KNDC1: variants seen among roughly 807,000 people sequenced by gnomAD.
KNDC1 encodes kinase non-catalytic C-lobe domain-containing protein 1.
In KNDC1, 106 loss-of-function variants were observed where a neutral mutation model predicts 172.8. The observed-to-expected ratio is 0.61, with a 90% confidence interval of 0.52 to 0.72. The LOEUF (loss-of-function observed/expected upper bound fraction) is 0.72, where lower values mean the gene tolerates loss of function less well. KNDC1 is among the 30% of genes least tolerant of loss of function. KNDC1 has a pLI of 0.00. For missense variants in KNDC1, 2,325 were observed against 2,394.5 expected (o/e 0.97, Z 0.61); for synonymous variants, 1,083 against 1,062.2 (o/e 1.02, Z -0.38).
At chr10:133,211,996 T>C (rs995337691) in intron 23 of KNDC1, 138 bp downstream of exon 23, 14 of 781,716 alleles carry the variant, frequency 1.8e-5, no homozygotes, top group East Asian at 5.4e-5. Flanking sequence ...TGCATACACA[T>C]AGACGTGTGC....
intron 17 of KNDC1, among the ~76,000 whole-genome samples, chr10:133,206,243 A>G (rs1234820690): frequency 6.6e-6 from 1 of 152,234 alleles, no homozygotes; most frequent in Non-Finnish European, 1.5e-5. Flanking sequence ...AAAAAGGCAG[A>G]CACCTGAAGA....
intron 6 of KNDC1, among the ~76,000 whole-genome samples, chr10:133,187,874 C>T (rs55687155): frequency 2.0e-5 from 3 of 149,846 alleles, no homozygotes; most frequent in Non-Finnish European, 3.0e-5. Flanking sequence ...CCACACGAAA[C>T]CCCAACCCCC....
intron 10 of KNDC1, among the ~76,000 whole-genome samples, 200 bp downstream of exon 10, chr10:133,196,021 G>A (rs1365370989): frequency 6.6e-6 from 1 of 152,212 alleles, no homozygotes; most frequent in African/African-American, 2.4e-5. Context: ...TCATGGCCAC[G>A]TCCATGTGGG....
rs141629191 is a variant in KNDC1, at chr10:133,213,868, G to A, written c.4527-104G>A. 1.2e-4 allele frequency: 184 copies of A among 1,485,442 alleles called. 2 individuals carry two copies. In the East Asian group the frequency reaches 3.6e-3, roughly 29 times the overall value. The allele number at this position is 1,485,442 out of a possible 1,614,324, so 92.0% of individuals were successfully genotyped here. On this transcript the variant is annotated intron_variant, in intron 25 of 29. Transcript: ENST00000304613. ...GAGAGTGGTGTCTGCCAGTTGGAGC[G>A]GCCTCGTGGCCCGACCCCAGCCCAC...
intron 3 of KNDC1, among the ~76,000 whole-genome samples, chr10:133,171,676 G>GC (rs1231642040): frequency 6.6e-6 from 1 of 152,056 alleles, no homozygotes; most frequent in East Asian, 1.9e-4. Flanking sequence ...CAGCACAGTG[G>GC]CATAGCTCAC....
At chr10:133,216,945 A>G (rs1845478041) in intron 26 of KNDC1, among the ~76,000 whole-genome samples, 1 of 152,260 alleles carries the variant, frequency 6.6e-6, no homozygotes, top group Non-Finnish European at 1.5e-5. Flanking sequence ...CGGACAGTGG[A>G]CGGCTCCACG....
chr10:133,203,970 C>T (rs1240681740), intron 17 of KNDC1, among the ~76,000 whole-genome samples: 2 of 152,226 alleles, frequency 1.3e-5, no homozygotes, highest in Non-Finnish European at 2.9e-5. Context: ...TCGCAGGCAC[C>T]CGCCTCCAGG....
intron 23 of KNDC1, 52 bp downstream of exon 23, chr10:133,211,910 C>T: frequency 4.5e-6 from 7 of 1,541,228 alleles, no homozygotes; most frequent in Non-Finnish European, 6.1e-6. Flanking sequence ...ATGTGGGTCC[C>T]TGAGCCCAGC....
Position 133,203,868 on chromosome 10 carries a change from G to A in KNDC1, c.3387+1970G>A, listed in dbSNP as rs373774272. 5.6e-4 allele frequency among the ~76,000 whole-genome samples: 86 copies of A among 152,362 alleles called. 3 individuals are homozygous for A. The South Asian group carries it at 0.011, about 19-fold the overall frequency. On this transcript the variant is annotated intron_variant, in intron 17 of 29. Transcript: ENST00000304613. ...TTCCCGCGTGAGGAGCGCCCCCGAC[G>A]GACATCGAGTCTGACTGTGAACGGA...
chr10:133,214,219 C>A, intron 26 of KNDC1, 97 bp downstream of exon 26: 1 of 1,324,220 alleles, frequency 7.6e-7, no homozygotes, highest in Non-Finnish European at 1.0e-6. Flanking sequence ...GAACCCTCTC[C>A]CAATGCAGTG....
In KNDC1 at chr10:133,201,792, G is replaced by C; in HGVS notation, c.3281G>C (p.Cys1094Ser). ...AGFQSCSPGW[C>S]SAFYEADCFG... ...TTCCAGAGCTGCAGCCCCGGCTGGT[G>C]CAGCGCCTTCTACGAGGCCGACTGC... is the stretch of plus-strand genomic sequence containing the variant. The change falls in exon 17 of 30, where the codon TGC becomes TCC. Residue 1094 changes from cysteine to serine, a missense_variant. Coordinates refer to ENST00000304613, the MANE Select transcript of KNDC1 (RefSeq NM_152643.8). The C allele has an allele frequency of 6.5e-7, 1 of 1,531,346 alleles. No homozygotes were observed. The highest frequency in any genetic ancestry group is 8.8e-7 in the Non-Finnish European group (1 of 1,142,056). 94.9% of individuals were successfully genotyped at this position (1,531,346 alleles called of 1,614,324 possible).
chr10:133,203,925 G>T (rs925631129), intron 17 of KNDC1, among the ~76,000 whole-genome samples: 1 of 152,244 alleles, frequency 6.6e-6, no homozygotes, highest in Non-Finnish European at 1.5e-5. Context: ...AGAGGAGTCT[G>T]CGTGAGCTGC....
At chr10:133,167,342 G>A in intron 1 of KNDC1, 39 bp from the exon 2 acceptor site, 4 of 1,527,038 alleles carry the variant, frequency 2.6e-6, no homozygotes, top group Non-Finnish European at 3.5e-6. Context: ...GCCTGGCTGG[G>A]GGTCCTGCCG....
chr10:133,183,201 GC>G, intron 3 of KNDC1, 142 bp from the exon 4 acceptor site: 1 of 1,031,050 alleles, frequency 9.7e-7, no homozygotes, highest in South Asian at 1.7e-5. Flanking sequence ...AAGGGTGTGG[GC>G]AGCGTGGGCA....
Position 133,198,387 on chromosome 10 carries a change from G to A in KNDC1, c.1957G>A (p.Val653Met), listed in dbSNP as rs145826141. 7.1e-5 allele frequency: 113 copies of A among 1,597,896 alleles called. No individual in the cohort carries two copies. Among genetic ancestry groups the A allele is most frequent in the Admixed American group, 3.1e-4 (18 of 58,410 alleles). Residue 653 changes from valine (V) to methionine (M), a missense_variant, in exon 13 of 30, where the codon GTG becomes ATG. By Grantham distance (21) the Val-to-Met change is conservative. Transcript: ENST00000304613. ...CGGGCTTGTGGCTGTGCCAGGGCCC[G>A]TGCCCGGCCAGCACCCCTGCGGTGA... ...DTGLVAVPGP[V>M]PGQHPCGEEA...
At chr10:133,200,564 C>T (rs1854334203) in intron 16 of KNDC1, 104 bp downstream of exon 16, 1 of 903,534 alleles carries the variant, frequency 1.1e-6, no homozygotes. Flanking sequence ...TCAGACTGCA[C>T]TGCTCCAGCG....
chr10:133,182,504 GA>G (rs1853747657), intron 3 of KNDC1, among the ~76,000 whole-genome samples: 1 of 152,202 alleles, frequency 6.6e-6, no homozygotes, highest in Non-Finnish European at 1.5e-5. Context: ...GCAGGTTCCT[GA>G]GCCGCTCTGC....
intron 17 of KNDC1, among the ~76,000 whole-genome samples, chr10:133,206,471 C>T (rs1037587188): frequency 9.2e-5 from 14 of 151,792 alleles, no homozygotes; most frequent in African/African-American, 3.4e-4. Context: ...CTGGGCACTG[C>T]CCTGTGAGCC....
In KNDC1 at chr10:133,209,460, A is replaced by G. The variant is rs368363506; in HGVS notation, c.3795-1151A>G. Among the ~76,000 whole-genome samples, 1 of 139,448 alleles carries G rather than the reference A, an allele frequency of 7.2e-6. No homozygotes were observed. Among genetic ancestry groups the G allele is most frequent in the East Asian group, 2.2e-4 (1 of 4,530 alleles). 91.5% of individuals were successfully genotyped at this position (139,448 alleles called of 152,430 possible). A position where few individuals can be genotyped will look rare whatever the true frequency, so the allele number is the denominator to read the frequency against. ...TGCACGTATGTGTGGTGTGGGGTAT[A>G]GTGTGGCTTGTGTGCGCGTGTGTGG... On this transcript the variant is annotated intron_variant, in intron 20 of 29. Coordinates refer to ENST00000304613, the MANE Select transcript of KNDC1 (RefSeq NM_152643.8). The surrounding 1 kb of genome is among the most constrained non-coding windows in gnomAD (Gnocchi z 4.9).
Sources: allele counts gnomAD v4.1 joint callset (sites outside exome capture counted in the v4.1 genomes callset), GRCh38; gene constraint gnomAD v4.1.1; non-coding constraint Gnocchi (gnomAD v3.1); transcripts MANE v1.5; gene names NCBI Gene and HGNC (gene_info 2026-07-23, HGNC 2026-07-21).